Variants in TBPL1 observed in about 807,000 individuals in gnomAD.
TBPL1 encodes TATA-box binding protein like 1, also known as TATA box-binding protein-like 1.
A neutral mutation model predicts 22.1 loss-of-function variants in TBPL1; 4 were observed. The observed-to-expected ratio is 0.18, with a 90% CI of 0.09 to 0.41. The LOEUF is 0.41. TBPL1 is among the 10% of genes least tolerant of loss of function. The pLI, the probability that TBPL1 is intolerant of heterozygous loss-of-function variation, is 1.00. For missense variants in TBPL1, 115 were observed against 222.3 expected (o/e 0.52, Z 3.07); for synonymous variants, 64 against 71.0 (o/e 0.90, Z 0.50).
chr6:133,987,624 T>TTG lies in TBPL1; in HGVS notation c.*608_*609dup, dbSNP rs35068923. On this transcript the variant is annotated 3_prime_UTR_variant, in exon 7 of 7. Coordinates refer to ENST00000237264, the MANE Select transcript of TBPL1 (RefSeq NM_004865.4). ...TGTTGGCTTCTTTTTGAAGTGTATT[T>TTG]TGTGTGTGTGTGTGTGTGTGTGTGT... The TTG allele has an allele frequency of 0.028, 3,915 of 139,612 alleles. 106 individuals carry two copies. Among genetic ancestry groups the TTG allele is most frequent in the African/African-American group, 0.056 (2,109 of 37,974 alleles). 8.6% of individuals were successfully genotyped at this position (139,612 alleles called of 1,614,324 possible).
chr6:133,978,830 A>T (rs1776359605), intron 1 of TBPL1, among the ~76,000 whole-genome samples: 1 of 152,214 alleles, frequency 6.6e-6, no homozygotes, highest in Non-Finnish European at 1.5e-5. Flanking sequence ...TGTTTTAGTT[A>T]TATAATAATT....
chr6:133,979,503 C>T (rs6919121), intron 1 of TBPL1, among the ~76,000 whole-genome samples: 82,803 of 151,976 alleles, frequency 0.54, 23,442 homozygotes, highest in African/African-American at 0.65. Context: ...AGGTGAATAG[C>T]AGGAGATAAG....
In TBPL1 at chr6:133,984,381, A is replaced by C. The variant is rs1025282503; in HGVS notation, c.288A>C (p.Ile96=). The C allele has an allele frequency of 4.4e-6, 7 of 1,608,518 alleles. No homozygotes were observed. The highest frequency in any genetic ancestry group is 5.1e-6 in the Non-Finnish European group (6 of 1,177,598). Residue 96 remains isoleucine, a synonymous_variant, in exon 5 of 7, where the codon ATA becomes ATC. Transcript: ENST00000237264. ...RSLQKLGFQV[I]FTDFKVVNVL... ...ATTTTACTTCTCTCCTAAAGGTAATATTTACAGATTTTAAGGTTGTTAACG... is the reference window on the plus strand; with the variant it reads ...ATTTTACTTCTCTCCTAAAGGTAATCTTTACAGATTTTAAGGTTGTTAACG...
rs147444560 is a variant in TBPL1, at chr6:133,963,458, T to C, written c.-45+10033T>C. Reference sequence around the variant, plus strand: ...TTATTTGTTTAAGACATAGTCTCACTCTATAGCCCAGACTGGAGTGCAGTG... The same window carrying C: ...TTATTTGTTTAAGACATAGTCTCACCCTATAGCCCAGACTGGAGTGCAGTG... On this transcript the variant is annotated intron_variant, in intron 1 of 6. Coordinates refer to ENST00000237264, the MANE Select transcript of TBPL1 (RefSeq NM_004865.4). Among the ~76,000 whole-genome samples, 663 of 152,310 alleles carry C rather than the reference T, an allele frequency of 4.4e-3. 6 individuals carry two copies. The highest frequency in any genetic ancestry group is 8.2e-3 in the Non-Finnish European group (555 of 68,032).
chr6:133,974,004 CA>C (rs35184454), intron 1 of TBPL1, among the ~76,000 whole-genome samples: 1,480 of 124,550 alleles, frequency 0.012, 36 homozygotes, highest in Admixed American at 0.072. Flanking sequence ...CAGACTTTAC[CA>C]AAAAAAAAAA....
At chr6:133,952,749 A>G (rs1775853945), upstream of TBPL1, 1 of 152,164 alleles carries the variant, frequency 6.6e-6, no homozygotes, top group Non-Finnish European at 1.5e-5. The surrounding 1 kb of genome is among the most constrained non-coding windows in gnomAD (Gnocchi z 4.5). Context: ...TAGCTTTAGC[A>G]ATTATATAAT....
chr6:133,969,011 A>C (rs560202130), intron 1 of TBPL1: 82 of 152,352 alleles, frequency 5.4e-4, no homozygotes, highest in African/African-American at 1.9e-3. Flanking sequence ...TCGTCGAAAC[A>C]GTGAGAATCT....
At chr6:133,979,987 A>C (rs977896981) in intron 1 of TBPL1, 95 bp from the exon 2 acceptor site, 3 of 957,072 alleles carry the variant, frequency 3.1e-6, no homozygotes, top group Non-Finnish European at 4.3e-6. Context: ...AAAAATAAAT[A>C]ATATAGATTC....
In TBPL1 at chr6:133,958,401, T is replaced by G. The variant is rs557307652; in HGVS notation, c.-45+4976T>G. Among the ~76,000 whole-genome samples the G allele has an allele frequency of 1.1e-4, 16 of 152,328 alleles. No homozygotes were observed. The East Asian group carries it at 2.1e-3, about 20-fold the overall frequency. On this transcript the variant is annotated intron_variant, in intron 1 of 6. Coordinates refer to ENST00000237264, the MANE Select transcript of TBPL1 (RefSeq NM_004865.4). ...TGAATGTTCTAATAGTAGCTTTTTT[T>G]TGTAATTTTAGAAGTAGCTAAAATT...
At chr6:133,968,706 T>G (rs1365222161) in intron 1 of TBPL1, 2 of 152,326 alleles carry the variant, frequency 1.3e-5, no homozygotes, top group Non-Finnish European at 2.9e-5. Context: ...TGGAGTCCGC[T>G]CTCGCCCACG....
chr6:133,963,843 A>T (rs1219227912), intron 1 of TBPL1, among the ~76,000 whole-genome samples: 1 of 151,134 alleles, frequency 6.6e-6, no homozygotes, highest in East Asian at 2.0e-4. Context: ...ATCCTGGCTA[A>T]CGTGGTGAAA....
intron 1 of TBPL1, among the ~76,000 whole-genome samples, chr6:133,957,778 ATAC>A (rs1479006257): frequency 6.6e-6 from 1 of 152,246 alleles, no homozygotes; most frequent in South Asian, 2.1e-4. Context: ...TAGGGAGTTA[ATAC>A]TACTACTACG....
intron 1 of TBPL1, among the ~76,000 whole-genome samples, chr6:133,954,750 T>G (rs1775897601): frequency 6.6e-6 from 1 of 152,176 alleles, no homozygotes; most frequent in Admixed American, 6.5e-5. Flanking sequence ...TAAACCTGAC[T>G]TCTCCTAAGC....
intron 1 of TBPL1, among the ~76,000 whole-genome samples, chr6:133,978,166 T>C (rs1487540117): frequency 6.6e-6 from 1 of 152,176 alleles, no homozygotes; most frequent in Non-Finnish European, 1.5e-5. Flanking sequence ...GCAGAAAACC[T>C]GCTGCTGTCC....
Position 133,989,294 on chromosome 6 carries a change from G to C in TBPL1, c.*2254G>C, listed in dbSNP as rs1378149158. The C allele has an allele frequency of 2.0e-5, 3 of 152,142 alleles. No individual in the cohort carries two copies. The highest frequency in any genetic ancestry group is 2.9e-5 in the Non-Finnish European group (2 of 67,992). 9.4% of individuals were successfully genotyped at this position (152,142 alleles called of 1,614,324 possible). On this transcript the variant is annotated 3_prime_UTR_variant, in exon 7 of 7. Transcript: ENST00000237264. ...AAGCTTGATTTGGTGTGGTGCAATG[G>C]ATATTGGATAAAAATTTGAAGACAA... is the stretch of plus-strand genomic sequence containing the variant.
At chr6:133,962,196 T>G (rs1378435679) in intron 1 of TBPL1, among the ~76,000 whole-genome samples, 1 of 152,192 alleles carries the variant, frequency 6.6e-6, no homozygotes, top group Non-Finnish European at 1.5e-5. Context: ...GGAAGTCCAC[T>G]GCATTCCAAG....
chr6:133,987,505 A>G lies in TBPL1; in HGVS notation c.*465A>G, dbSNP rs973500618. 2.0e-5 allele frequency: 3 copies of G among 152,476 alleles called. No individual in the cohort carries two copies. The highest frequency in any genetic ancestry group is 7.2e-5 in the African/African-American group (3 of 41,422). 9.4% of individuals were successfully genotyped at this position (152,476 alleles called of 1,614,324 possible). Reference sequence around the variant, plus strand: ...TTTGGAAAAGATCTCTCTTCATTCTATAACTTTTATTCCCCATTTTCTATT... The same window carrying G: ...TTTGGAAAAGATCTCTCTTCATTCTGTAACTTTTATTCCCCATTTTCTATT... On this transcript the variant is annotated 3_prime_UTR_variant, in exon 7 of 7. Transcript: ENST00000237264.
intron 6 of TBPL1, among the ~76,000 whole-genome samples, chr6:133,986,721 C>G (rs1218388082): frequency 6.6e-6 from 1 of 152,068 alleles, no homozygotes; most frequent in Admixed American, 6.6e-5. Flanking sequence ...TTTGTATGCC[C>G]TAAAACAAAG....
At chr6:133,976,290 G>A (rs1019691582) in intron 1 of TBPL1, among the ~76,000 whole-genome samples, 1 of 152,188 alleles carries the variant, frequency 6.6e-6, no homozygotes, top group Admixed American at 6.5e-5. Flanking sequence ...TGAAATGTTC[G>A]ATTTCATAGC....
Sources: gnomAD v4.1 joint callset for allele counts (sites outside exome capture counted in the v4.1 genomes callset) on GRCh38, gnomAD v4.1.1 for gene constraint, Gnocchi (gnomAD v3.1) non-coding constraint, MANE v1.5 for transcripts, NCBI Gene and HGNC (gene_info 2026-07-23, HGNC 2026-07-21) for gene names.